The following LCLAT1 variants were observed in gnomAD, a reference collection of about 807,000 sequenced individuals.
LCLAT1 encodes lysocardiolipin acyltransferase 1, also known as 1-AGP acyltransferase 8.
Under a neutral mutation model 30.7 loss-of-function variants are expected in LCLAT1, and 11 were observed. That is an observed-to-expected ratio of 0.36 (90% CI 0.23 to 0.59). LCLAT1 has a LOEUF of 0.59. LCLAT1 is among the 20% of genes least tolerant of loss of function. The pLI is 0.77. For missense variants in LCLAT1, 402 were observed against 458.6 expected (o/e 0.88, Z 1.13); for synonymous variants, 155 against 151.3 (o/e 1.02, Z -0.18).
chr2:30,637,734 C>T (rs536663395), intron 5 of LCLAT1, among the ~76,000 whole-genome samples: 3 of 152,276 alleles, frequency 2.0e-5, no homozygotes, highest in South Asian at 2.1e-4. Flanking sequence ...TGCGCCACCA[C>T]GCCCAGCTAA....
chr2:30,541,706 C>T (rs969105914), intron 3 of LCLAT1, among the ~76,000 whole-genome samples: 47 of 152,154 alleles, frequency 3.1e-4, no homozygotes, highest in African/African-American at 8.9e-4. Context: ...AATTGCATAC[C>T]GTCATGTAAC....
intron 1 of LCLAT1, among the ~76,000 whole-genome samples, chr2:30,451,157 A>G (rs1681527692): frequency 1.3e-5 from 2 of 152,266 alleles, no homozygotes. Flanking sequence ...AATTAAAACA[A>G]TAATGAGATA....
intron 1 of LCLAT1, chr2:30,459,544 G>A (rs1251736760): frequency 1.9e-6 from 2 of 1,071,088 alleles, no homozygotes; most frequent in Non-Finnish European, 2.9e-6. Flanking sequence ...CATTTGTCCT[G>A]TTCACAGGCT....
At chr2:30,583,097 A>C (rs1334410321) in intron 5 of LCLAT1, among the ~76,000 whole-genome samples, 1 of 152,234 alleles carries the variant, frequency 6.6e-6, no homozygotes. Flanking sequence ...AAGTGTTGGC[A>C]CACAAGTTTA....
chr2:30,489,420 T>C (rs1683725816), intron 1 of LCLAT1, among the ~76,000 whole-genome samples: 1 of 151,958 alleles, frequency 6.6e-6, no homozygotes. Flanking sequence ...TGGCGCGATC[T>C]CGGCTCACTG....
intron 5 of LCLAT1, among the ~76,000 whole-genome samples, chr2:30,594,306 A>C (rs1666825449): frequency 6.6e-6 from 1 of 152,170 alleles, no homozygotes; most frequent in Non-Finnish European, 1.5e-5. Context: ...CTTTAATGGG[A>C]AAATTTTCAA....
At chr2:30,622,046 C>T (rs146145671) in intron 5 of LCLAT1, among the ~76,000 whole-genome samples, 123 of 152,240 alleles carry the variant, frequency 8.1e-4, no homozygotes, top group African/African-American at 2.7e-3. Flanking sequence ...CCCTGCTCAC[C>T]GGCTGCCTGG....
chr2:30,454,608 G>A (rs566590678), intron 1 of LCLAT1, among the ~76,000 whole-genome samples: 28 of 149,208 alleles, frequency 1.9e-4, no homozygotes, highest in Non-Finnish European at 3.9e-4. Context: ...ATGTGCCACC[G>A]CGTCTGGCTA....
At chr2:30,515,598 A>G (rs1685141835) in intron 1 of LCLAT1, among the ~76,000 whole-genome samples, 1 of 152,222 alleles carries the variant, frequency 6.6e-6, no homozygotes, top group African/African-American at 2.4e-5. Context: ...TTGTTAGGTT[A>G]CACTTGAAGT....
intron 5 of LCLAT1, among the ~76,000 whole-genome samples, chr2:30,614,421 T>A (rs1256984553): frequency 1.3e-5 from 2 of 152,048 alleles, no homozygotes; most frequent in Non-Finnish European, 2.9e-5. Context: ...CAATCTGATC[T>A]CTCTTGCTTT....
intron 3 of LCLAT1, among the ~76,000 whole-genome samples, chr2:30,540,103 G>C (rs751169941): frequency 6.6e-6 from 1 of 152,044 alleles, no homozygotes; most frequent in African/African-American, 2.4e-5. Context: ...TCTCATCCTG[G>C]CTCTGTTGTC....
At chr2:30,483,468 C>T (rs575392442) in intron 1 of LCLAT1, among the ~76,000 whole-genome samples, 1 of 152,304 alleles carries the variant, frequency 6.6e-6, no homozygotes, top group East Asian at 1.9e-4. Context: ...TAGTAGATCT[C>T]ACTGTCTTTA....
At chr2:30,576,477 G>T (rs1665997815) in intron 5 of LCLAT1, among the ~76,000 whole-genome samples, 1 of 152,054 alleles carries the variant, frequency 6.6e-6, no homozygotes, top group African/African-American at 2.4e-5. Context: ...AAATAGAGAA[G>T]ATAAGTTTCA....
chr2:30,620,253 T>C (rs1668178054), intron 5 of LCLAT1, among the ~76,000 whole-genome samples: 1 of 152,178 alleles, frequency 6.6e-6, no homozygotes. Context: ...TTCCAGCCCC[T>C]GTATGTGATC....
At chr2:30,601,205 T>G (rs1667164408) in intron 5 of LCLAT1, among the ~76,000 whole-genome samples, 1 of 152,166 alleles carries the variant, frequency 6.6e-6, no homozygotes, top group Non-Finnish European at 1.5e-5. Flanking sequence ...TCATGGTTCT[T>G]AGCTTCTTTG....
intron 5 of LCLAT1, among the ~76,000 whole-genome samples, chr2:30,625,992 A>G (rs531175550): frequency 2.0e-5 from 3 of 152,204 alleles, no homozygotes; most frequent in African/African-American, 7.2e-5. Flanking sequence ...CTGTTCACCC[A>G]TGTACCCCAG....
chr2:30,456,162 C>CA (rs1234433200), intron 1 of LCLAT1, among the ~76,000 whole-genome samples: 1 of 152,194 alleles, frequency 6.6e-6, no homozygotes, highest in African/African-American at 2.4e-5. Flanking sequence ...CATTGACACA[C>CA]AAAGTGGGTG....
At chr2:30,495,348 TTC>T (rs1684056745) in intron 1 of LCLAT1, among the ~76,000 whole-genome samples, 1 of 152,144 alleles carries the variant, frequency 6.6e-6, no homozygotes, top group African/African-American at 2.4e-5. Flanking sequence ...TAATGTTTAA[TTC>T]TCTCTAATCC....
At chr2:30,474,862 G>C (rs188400886) in intron 1 of LCLAT1, among the ~76,000 whole-genome samples, 1 of 151,950 alleles carries the variant, frequency 6.6e-6, no homozygotes, top group Non-Finnish European at 1.5e-5. Context: ...TTGTTGCCTA[G>C]GCTGGTCTGG....
Sources: gnomAD v4.1 joint callset for allele counts (sites outside exome capture counted in the v4.1 genomes callset) on GRCh38, gnomAD v4.1.1 for gene constraint, MANE v1.5 for transcripts, NCBI Gene and HGNC (gene_info 2026-07-23, HGNC 2026-07-21) for gene names.